Variants in NKAIN2 observed in about 807,000 individuals in gnomAD.
The protein encoded by NKAIN2 is sodium/potassium transporting ATPase interacting 2.
NKAIN2 carries 14 observed loss-of-function variants against 32.6 expected under a neutral mutation model. The observed-to-expected ratio is 0.43, with a 90% CI of 0.28 to 0.67. The LOEUF is 0.67. Among genes scored for constraint, NKAIN2 ranks in the 30% least tolerant of loss-of-function variants. The pLI is 0.17. For missense variants in NKAIN2, 198 were observed against 258.3 expected, an observed-to-expected ratio of 0.77 and a Z score of 1.60; for synonymous variants, 80 against 87.2, an observed-to-expected ratio of 0.92 and a Z score of 0.46.
intron 4 of NKAIN2, among the ~76,000 whole-genome samples, chr6:124,732,090 A>T (rs1005899310): frequency 6.6e-6 from 1 of 152,076 alleles, no homozygotes; most frequent in Non-Finnish European, 1.5e-5. Context: ...CATTTATTAA[A>T]GAATTTATCA....
chr6:124,032,687 G>A (rs1010119590), intron 1 of NKAIN2, among the ~76,000 whole-genome samples: 26 of 151,968 alleles, frequency 1.7e-4, no homozygotes, highest in East Asian at 5.8e-4. Context: ...CAGGATTTCC[G>A]TTTTAATGAA....
chr6:124,195,424 T>C (rs1790268326), intron 1 of NKAIN2, among the ~76,000 whole-genome samples: 1 of 152,134 alleles, frequency 6.6e-6, no homozygotes, highest in Non-Finnish European at 1.5e-5. Context: ...TCCCCTGCTG[T>C]TCAGTCTCTT....
intron 1 of NKAIN2, among the ~76,000 whole-genome samples, chr6:123,840,139 A>G (rs983963719): frequency 2.0e-5 from 3 of 152,084 alleles, no homozygotes; most frequent in East Asian, 3.8e-4. Context: ...AGGAACAGTA[A>G]TTGACAAATG....
intron 3 of NKAIN2, among the ~76,000 whole-genome samples, chr6:124,528,306 C>A (rs1372191106): frequency 6.6e-6 from 1 of 152,204 alleles, no homozygotes; most frequent in Non-Finnish European, 1.5e-5. Context: ...AACTTCAGCA[C>A]TTTGTTTTGC....
At chr6:123,807,570 G>T (rs148994943) in intron 1 of NKAIN2, among the ~76,000 whole-genome samples, 1 of 152,130 alleles carries the variant, frequency 6.6e-6, no homozygotes, top group East Asian at 1.9e-4. Flanking sequence ...GTTTTGGCAT[G>T]TTTTCCCCAA....
intron 3 of NKAIN2, among the ~76,000 whole-genome samples, chr6:124,513,496 G>T (rs1052247064): frequency 4.6e-5 from 7 of 152,064 alleles, no homozygotes; most frequent in African/African-American, 1.7e-4. Flanking sequence ...GCCCTTGGTA[G>T]GGATACTCTT....
rs1777506873 is a variant in NKAIN2, at chr6:124,482,879, A to G, written c.273+127532A>G. Among the ~76,000 whole-genome samples, 4 of 152,214 alleles carry G rather than the reference A, an allele frequency of 2.6e-5. No homozygotes were observed. The South Asian group carries it at 8.3e-4, about 32-fold the overall frequency. ...GCTGGGCGCGGTGGCTCACGCCTGT[A>G]ATCCCAGCACTTCGGGAGGCCGAGG... On this transcript the variant is annotated intron_variant, in intron 3 of 6. Coordinates refer to ENST00000368417, the MANE Select transcript of NKAIN2 (RefSeq NM_001040214.3).
intron 1 of NKAIN2, among the ~76,000 whole-genome samples, chr6:123,939,937 T>C (rs890435767): frequency 6.6e-6 from 1 of 152,018 alleles, no homozygotes; most frequent in African/African-American, 2.4e-5. Context: ...AGAAGAAACC[T>C]GGAGCCTTCT....
chr6:124,806,312 A>G (rs1434307143), intron 5 of NKAIN2, among the ~76,000 whole-genome samples: 4 of 152,254 alleles, frequency 2.6e-5, no homozygotes, highest in African/African-American at 9.6e-5. Context: ...TCTACAAGCC[A>G]GAAGAGAGTG....
chr6:124,187,873 T>C (rs747961358), intron 1 of NKAIN2, among the ~76,000 whole-genome samples: 1 of 151,700 alleles, frequency 6.6e-6, no homozygotes, highest in Non-Finnish European at 1.5e-5. Context: ...AACTATCTTC[T>C]AGATTGTTTT....
intron 1 of NKAIN2, among the ~76,000 whole-genome samples, chr6:124,031,401 C>A (rs1781398685): frequency 6.6e-6 from 1 of 152,160 alleles, no homozygotes; most frequent in Non-Finnish European, 1.5e-5. Context: ...TTCTGTGTCT[C>A]TATCTCCTTC....
chr6:124,779,314 GGGAGGGAAGGAAGGAA>G (rs1316965161), intron 4 of NKAIN2, among the ~76,000 whole-genome samples: 36 of 79,582 alleles, frequency 4.5e-4, no homozygotes, highest in African/African-American at 1.6e-3. Flanking sequence ...GAGGGAGGGA[GGGAGGGAAGGAAGGAA>G]GGAAGGAAGG....
chr6:124,087,894 C>T (rs1026064890), intron 1 of NKAIN2, among the ~76,000 whole-genome samples: 9 of 151,918 alleles, frequency 5.9e-5, no homozygotes, highest in African/African-American at 1.7e-4. Flanking sequence ...GTTAACATTC[C>T]GAAAATTTTA....
chr6:124,525,922 A>G (rs1779294794), intron 3 of NKAIN2, among the ~76,000 whole-genome samples: 1 of 152,202 alleles, frequency 6.6e-6, no homozygotes, highest in South Asian at 2.1e-4. Flanking sequence ...ACCAAGCTTC[A>G]TATCAGCAAG....
intron 1 of NKAIN2, among the ~76,000 whole-genome samples, chr6:123,873,916 G>T (rs1376528123): frequency 6.6e-6 from 1 of 151,606 alleles, no homozygotes; most frequent in Non-Finnish European, 1.5e-5. Flanking sequence ...GATGATTTTT[G>T]CCCTTTTCCT....
Position 124,606,714 on chromosome 6 carries a change from A to G in NKAIN2, c.274-51472A>G, listed in dbSNP as rs1022188696. Among the ~76,000 whole-genome samples, 15 of 152,276 alleles carry G rather than the reference A, an allele frequency of 9.9e-5. No homozygotes were observed. The Middle Eastern group carries it at 0.017, about 173-fold the overall frequency. On this transcript the variant is annotated intron_variant, in intron 3 of 6. Transcript: ENST00000368417. The stretch of plus-strand genomic sequence containing the variant: ...ACTGCAATTAGGAAAAGTAAAAGGA[A>G]AGAGAACAGGATGACAGTCTATCTT...
chr6:123,975,503 T>C (rs1050273025), intron 1 of NKAIN2, among the ~76,000 whole-genome samples: 14 of 152,206 alleles, frequency 9.2e-5, no homozygotes, highest in South Asian at 2.1e-4. Flanking sequence ...ATTGGGGTTC[T>C]CCAGAGAAAC....
intron 4 of NKAIN2, among the ~76,000 whole-genome samples, chr6:124,700,219 C>T (rs1774708299): frequency 6.6e-6 from 1 of 152,088 alleles, no homozygotes; most frequent in African/African-American, 2.4e-5. Flanking sequence ...GATGAAAAAT[C>T]AGGCAAAATC....
chr6:124,012,685 G>A (rs1037874693), intron 1 of NKAIN2, among the ~76,000 whole-genome samples: 2 of 152,086 alleles, frequency 1.3e-5, no homozygotes, highest in Admixed American at 1.3e-4. Flanking sequence ...TCGATGAGTT[G>A]TATTCCATTT....
Sources: allele counts gnomAD v4.1 joint callset (sites outside exome capture counted in the v4.1 genomes callset), GRCh38; gene constraint gnomAD v4.1.1; transcripts MANE v1.5; gene names NCBI Gene and HGNC (gene_info 2026-07-23, HGNC 2026-07-21).